Variants in PIK3C2G observed in about 807,000 individuals in gnomAD.
PIK3C2G encodes phosphatidylinositol-4-phosphate 3-kinase catalytic subunit type 2 gamma, also known as phosphatidylinositol 3-kinase C2 domain-containing subunit gamma.
A neutral mutation model predicts 181.1 loss-of-function variants in PIK3C2G; 168 were observed. The observed-to-expected ratio is 0.93, with a 90% confidence interval of 0.82 to 1.05. PIK3C2G has a LOEUF of 1.05. Among genes scored for constraint, PIK3C2G ranks in the 50% least tolerant of loss-of-function variants. PIK3C2G has a pLI of 0.00. For missense variants in PIK3C2G, 1,869 were observed against 1,732.8 expected (o/e 1.08, Z -1.40); for synonymous variants, 573 against 592.2 (o/e 0.97, Z 0.47).
intron 31 of PIK3C2G, among the ~76,000 whole-genome samples, chr12:18,634,360 G>A (rs1949495437): frequency 6.6e-6 from 1 of 152,166 alleles, no homozygotes; most frequent in East Asian, 1.9e-4. Flanking sequence ...GTGGGCCTAT[G>A]GGATTTTGGA....
chr12:18,535,385 T>G (rs917583137), intron 24 of PIK3C2G, among the ~76,000 whole-genome samples: 9 of 152,222 alleles, frequency 5.9e-5, no homozygotes, highest in African/African-American at 1.7e-4. Flanking sequence ...AAAATTTGTT[T>G]CTTTAATATT....
chr12:18,437,428 T>C (rs1946508693), intron 18 of PIK3C2G, among the ~76,000 whole-genome samples: 1 of 151,982 alleles, frequency 6.6e-6, no homozygotes. Flanking sequence ...CTTTGGTATG[T>C]ATGATTTATT....
downstream of PIK3C2G, among the ~76,000 whole-genome samples, chr12:18,648,860 C>T (rs1299188765): frequency 6.6e-6 from 1 of 152,014 alleles, no homozygotes; most frequent in Non-Finnish European, 1.5e-5. Context: ...TTCTTTAAAA[C>T]AATCAAAAAA....
At chr12:18,373,805 T>C (rs1001958115) in intron 13 of PIK3C2G, among the ~76,000 whole-genome samples, 50 of 151,724 alleles carry the variant, frequency 3.3e-4, no homozygotes, top group South Asian at 2.1e-4. Context: ...GTGAGCCAAA[T>C]TGGTGCCACT....
the PIK3C2G span, chr12:18,683,172 T>C: frequency 4.5e-6 from 6 of 1,345,630 alleles, no homozygotes; most frequent in Non-Finnish European, 6.4e-6. Flanking sequence ...AAAGAAAACA[T>C]AAAGACATTC....
intron 5 of PIK3C2G, among the ~76,000 whole-genome samples, chr12:18,301,508 T>G (rs991482211): frequency 5.6e-4 from 85 of 152,200 alleles, no homozygotes; most frequent in African/African-American, 2.0e-3. Flanking sequence ...AGCTCTTTGT[T>G]ATATTTCTTA....
downstream of PIK3C2G, among the ~76,000 whole-genome samples, chr12:18,650,730 A>C (rs544754899): frequency 1.7e-3 from 42 of 25,176 alleles, no homozygotes; most frequent in South Asian, 6.4e-3. Flanking sequence ...ATATATATAT[A>C]TATATATATA....
chr12:18,607,057 TA>T (rs1948065962), intron 30 of PIK3C2G: 3 of 378,630 alleles, frequency 7.9e-6, no homozygotes, highest in African/African-American at 4.2e-5. Flanking sequence ...TGTAATCCCC[TA>T]AACAAACTGA....
intron 29 of PIK3C2G, among the ~76,000 whole-genome samples, chr12:18,571,879 CTA>C (rs879531617): frequency 4.0e-5 from 6 of 150,646 alleles, no homozygotes; most frequent in Non-Finnish European, 8.8e-5. Context: ...GTGCATGTGT[CTA>C]TGTGTATATG....
chr12:18,512,956 G>C (rs1464076248), intron 24 of PIK3C2G, among the ~76,000 whole-genome samples: 3 of 151,804 alleles, frequency 2.0e-5, no homozygotes, highest in Non-Finnish European at 4.4e-5. Flanking sequence ...TTATTGTCCT[G>C]AGGTACATAT....
At chr12:18,346,138 T>A (rs1939647646) in intron 10 of PIK3C2G, among the ~76,000 whole-genome samples, 1 of 152,208 alleles carries the variant, frequency 6.6e-6, no homozygotes, top group Non-Finnish European at 1.5e-5. Context: ...TTTTAAATCC[T>A]AGCCTTGTAC....
the PIK3C2G span, chr12:18,683,459 G>A: frequency 1.3e-5 from 19 of 1,430,218 alleles, no homozygotes; most frequent in Admixed American, 5.9e-5. Context: ...TTCCCATCTG[G>A]TATATTAATC....
Position 18,503,185 on chromosome 12 carries a change from T to TCCTTTTCTGGATTAC in PIK3C2G, c.3017-94_3017-93insTTTTCTGGATTACCC, listed in dbSNP as rs566547122. The TCCTTTTCTGGATTAC allele has an allele frequency of 2.5e-3, 2,009 of 813,616 alleles. 11 individuals carry two copies. Among genetic ancestry groups the TCCTTTTCTGGATTAC allele is most frequent in the Non-Finnish European group, 2.6e-3 (1,386 of 527,330 alleles). 50.4% of individuals were successfully genotyped at this position (813,616 alleles called of 1,614,324 possible). A position where few individuals can be genotyped will look rare whatever the true frequency, so the allele number is the denominator to read the frequency against. ...GAAGATTTGAAAAGGAAAGGGGTAA[T>TCCTTTTCTGGATTAC]CCAGTAGTGCTGGAAGCTATTGTTG... On this transcript the variant is annotated intron_variant, in intron 22 of 32. Coordinates refer to ENST00000538779, the MANE Select transcript of PIK3C2G (RefSeq NM_001288772.2).
intron 10 of PIK3C2G, among the ~76,000 whole-genome samples, chr12:18,344,150 G>A (rs1939419811): frequency 6.6e-6 from 1 of 152,080 alleles, no homozygotes. Context: ...CTTGGCACAG[G>A]AATACTCTGA....
chr12:18,694,170 G>A, the PIK3C2G span: 673 of 681,918 alleles, frequency 9.9e-4, 9 homozygotes, highest in African/African-American at 0.011. Context: ...GGCTGGGGGA[G>A]TTGCCCAGAG....
chr12:18,277,258 CTG>C (rs1263123173), intron 1 of PIK3C2G, among the ~76,000 whole-genome samples: 1 of 152,028 alleles, frequency 6.6e-6, no homozygotes. Context: ...ATATGATTTT[CTG>C]TGTGTGTGTC....
intron 16 of PIK3C2G, among the ~76,000 whole-genome samples, chr12:18,417,357 G>C (rs1319402827): frequency 6.6e-6 from 1 of 152,214 alleles, no homozygotes; most frequent in African/African-American, 2.4e-5. Flanking sequence ...TGAGAAAGCA[G>C]TGGCAGGGCT....
chr12:18,281,424 A>G (rs1949213596), intron 1 of PIK3C2G, among the ~76,000 whole-genome samples: 1 of 152,050 alleles, frequency 6.6e-6, no homozygotes, highest in African/African-American at 2.4e-5. Flanking sequence ...AAAGGATGGA[A>G]AACTGTCTTT....
At chr12:18,326,656 T>C (rs187343126) in intron 8 of PIK3C2G, among the ~76,000 whole-genome samples, 1 of 152,120 alleles carries the variant, frequency 6.6e-6, no homozygotes, top group African/African-American at 2.4e-5. Flanking sequence ...AAATGTGGAA[T>C]GTGAAAAGAA....
Sources: allele counts gnomAD v4.1 joint callset (sites outside exome capture counted in the v4.1 genomes callset), GRCh38; gene constraint gnomAD v4.1.1; transcripts MANE v1.5; gene names NCBI Gene and HGNC (gene_info 2026-07-23, HGNC 2026-07-21).